Variants in PLEKHA4 observed in about 807,000 individuals in gnomAD.
PLEKHA4 encodes the protein pleckstrin homology domain-containing family A member 4.
PLEKHA4 carries 73 observed loss-of-function variants against 94.7 expected under a neutral mutation model. The observed-to-expected ratio is 0.77, with a 90% CI of 0.64 to 0.94. The LOEUF is 0.94. Among genes scored for constraint, PLEKHA4 ranks in the 40% least tolerant of loss-of-function variants. PLEKHA4 has a pLI of 0.00. For missense variants in PLEKHA4, 1,049 were observed against 1,054.1 expected (o/e 1.00, Z 0.07); for synonymous variants, 449 against 437.1 (o/e 1.03, Z -0.34).
intron 3 of PLEKHA4, among the ~76,000 whole-genome samples, chr19:48,861,930 A>T (rs964002079): frequency 6.6e-6 from 1 of 152,024 alleles, no homozygotes. Context: ...GTTTGAGACC[A>T]GCTTGGGTAA....
intron 9 of PLEKHA4, among the ~76,000 whole-genome samples, chr19:48,856,685 T>C (rs986460154): frequency 6.6e-6 from 1 of 151,164 alleles, no homozygotes; most frequent in Non-Finnish European, 1.5e-5. Context: ...GCCACTGCAA[T>C]CCAGCCTGGG....
intron 2 of PLEKHA4, among the ~76,000 whole-genome samples, chr19:48,866,145 A>G (rs917306825): frequency 2.6e-5 from 4 of 151,580 alleles, no homozygotes; most frequent in African/African-American, 9.7e-5. Flanking sequence ...GGAGTGCAGT[A>G]GCCTAAACAC....
At chr19:48,850,510 CA>C (rs899467752) in intron 13 of PLEKHA4, among the ~76,000 whole-genome samples, 4 of 151,134 alleles carry the variant, frequency 2.6e-5, no homozygotes, top group Non-Finnish European at 1.5e-5. Flanking sequence ...CTCACACACA[CA>C]AAAAAAGAAA....
Position 48,867,392 on chromosome 19 carries a change from G to T in PLEKHA4, c.84+145C>A. On this transcript the variant is annotated intron_variant, in intron 2 of 19. Transcript: ENST00000263265. The surrounding 1 kb of genome is among the most constrained non-coding windows in gnomAD (Gnocchi z 4.7). ...GTGCCTCTGAATTCCTAGCTGCGGTGTGTAGGCAATTTGGGACCTTACTAT... is the reference window on the plus strand; with the variant it reads ...GTGCCTCTGAATTCCTAGCTGCGGTTTGTAGGCAATTTGGGACCTTACTAT... 1 of 858,524 alleles carries T rather than the reference G, an allele frequency of 1.2e-6. No individual in the cohort carries two copies. The highest frequency in any genetic ancestry group is 1.8e-6 in the Non-Finnish European group (1 of 559,026). The allele number at this position is 858,524 out of a possible 1,614,324, so 53.2% of individuals were successfully genotyped here. A position where few individuals can be genotyped will look rare whatever the true frequency, so the allele number is the denominator to read the frequency against.
Position 48,867,452 on chromosome 19 carries a change from T to G in PLEKHA4, c.84+85A>C, listed in dbSNP as rs2036871197. The G allele has an allele frequency of 6.8e-7, 1 of 1,466,886 alleles. No individual in the cohort carries two copies. Among genetic ancestry groups the G allele is most frequent in the Admixed American group, 2.0e-5 (1 of 49,280 alleles). The allele number at this position is 1,466,886 out of a possible 1,614,324, so 90.9% of individuals were successfully genotyped here. ...ACCCCGTTGCTAAGGATCTTTGTCC[T>G]TAACAACCAGAGTCCTTGGGGAAAC... On this transcript the variant is annotated intron_variant, in intron 2 of 19. Coordinates refer to ENST00000263265, the MANE Select transcript of PLEKHA4 (RefSeq NM_020904.3). The surrounding 1 kb of genome is among the most constrained non-coding windows in gnomAD (Gnocchi z 4.7).
chr19:48,838,223 C>T, intron 18 of PLEKHA4, 94 bp from the exon 19 acceptor site: 1 of 686,204 alleles, frequency 1.5e-6, no homozygotes, highest in East Asian at 2.7e-5. Flanking sequence ...ATGAATAAGA[C>T]CTACTATTAG....
At chr19:48,843,710 T>C (rs564336311) in intron 16 of PLEKHA4, among the ~76,000 whole-genome samples, 29 of 152,082 alleles carry the variant, frequency 1.9e-4, no homozygotes, top group African/African-American at 6.7e-4. Context: ...CAGGCTGGAG[T>C]GCAGTGGCGC....
In PLEKHA4 at chr19:48,867,567, G is replaced by C; in HGVS notation, c.54C>G (p.Thr18=). 1 of 1,602,646 alleles carries C rather than the reference G, an allele frequency of 6.2e-7. No homozygotes were observed. Among genetic ancestry groups the C allele is most frequent in the Non-Finnish European group, 8.5e-7 (1 of 1,176,804 alleles). The change falls in exon 2 of 20, where the codon ACC becomes ACG. Residue 18 remains threonine (T), a synonymous_variant. Transcript: ENST00000263265. This position sits in a 1 kb window ranked among gnomAD's most constrained non-coding sequence, Gnocchi z 4.7. ...GGCTCAGGCTGCTGAGCGAGGAGAT[G>C]GTGGAGGCGCTGCTGGCCAGGCTCA... ...SSLSLASSAS[T]ISSLSSLSPK...
chr19:48,856,518 G>A (rs2123075276), intron 9 of PLEKHA4, among the ~76,000 whole-genome samples: 1 of 152,214 alleles, frequency 6.6e-6, no homozygotes, highest in African/African-American at 2.4e-5. Context: ...AGGAGTTCGA[G>A]ACCAGCCTGA....
Position 48,868,390 on chromosome 19 carries a change from T to G in PLEKHA4, c.-314A>C. 6.6e-6 allele frequency: 1 copy of G among 152,098 alleles called. No individual in the cohort carries two copies. Among genetic ancestry groups the G allele is most frequent in the East Asian group, 1.9e-4 (1 of 5,188 alleles). 9.4% of individuals were successfully genotyped at this position (152,098 alleles called of 1,614,324 possible). On this transcript the variant is annotated 5_prime_UTR_variant, in exon 1 of 20. Transcript: ENST00000263265. The stretch of plus-strand genomic sequence containing the variant: ...TCTCTCTCTCCAATCTTTCTGTTTC[T>G]GTCCAAATCTTTTATTGTCAGACTC...
Position 48,845,580 on chromosome 19 carries a change from A to AC in PLEKHA4, c.1602dup (p.Ser535ValfsTer5). On this transcript the variant is annotated frameshift_variant, in exon 15 of 20. Coordinates refer to ENST00000263265, the MANE Select transcript of PLEKHA4 (RefSeq NM_020904.3). LOFTEE classifies it high-confidence loss of function. ...GGCCGCCCCCAGTCAGTCTCGGGGG[A>AC]CCTAGGGGAGCTCAGTTCCAAGGAC... The AC allele has an allele frequency of 6.2e-7, 1 of 1,606,184 alleles. No individual in the cohort carries two copies. The highest frequency in any genetic ancestry group is 8.5e-7 in the Non-Finnish European group (1 of 1,176,052).
Position 48,865,564 on chromosome 19 carries a change from C to T in PLEKHA4, c.131G>A (p.Gly44Asp), listed in dbSNP as rs767587774. The stretch of plus-strand genomic sequence containing the variant: ...GTTGGGATCCCTCCTGAGCGCATTG[C>T]CTCTCTTCCCAAAGGCGTGGATCTT... ...VNKIHAFGKR[G>D]NALRRDPNLP... The change falls in exon 3 of 20, where the codon GGC (glycine) becomes GAC (aspartate). Residue 44 changes from glycine to aspartate, a missense_variant. Transcript: ENST00000263265. 1 of 1,614,022 alleles carries T rather than the reference C, an allele frequency of 6.2e-7. No homozygotes were observed. Among genetic ancestry groups the T allele is most frequent in the Non-Finnish European group, 8.5e-7 (1 of 1,179,986 alleles).
At chr19:48,842,305 C>T (rs970858831) in intron 16 of PLEKHA4, among the ~76,000 whole-genome samples, 28 of 151,996 alleles carry the variant, frequency 1.8e-4, no homozygotes, top group Non-Finnish European at 2.4e-4. Flanking sequence ...CCCGCCACCA[C>T]GCCCAGCTAA....
intron 17 of PLEKHA4, among the ~76,000 whole-genome samples, chr19:48,839,918 GTGTAAACCCCGTC>G (rs142627589): frequency 0.099 from 14,957 of 150,640 alleles, 987 homozygotes; most frequent in Non-Finnish European, 0.14. Context: ...GGTCAATATG[GTGTAAACCCCGTC>G]TCTACTAAAA....
rs1274126975 is a variant in PLEKHA4 at position 48,837,708 on chromosome 19, G to A, written c.2078-157C>T. The stretch of plus-strand genomic sequence containing the variant: ...CCCAGCCCCTCCTCCCTCAGACCCA[G>A]GAGTCCAGGCCCCCAGCCCCTCCTC... On this transcript the variant is annotated intron_variant, in intron 19 of 19. Coordinates refer to ENST00000263265, the MANE Select transcript of PLEKHA4 (RefSeq NM_020904.3). This position sits in a 1 kb window ranked among gnomAD's most constrained non-coding sequence, Gnocchi z 4.3. Among the ~76,000 whole-genome samples the A allele has an allele frequency of 6.7e-6, 1 of 149,832 alleles. No individual in the cohort carries two copies. The highest frequency in any genetic ancestry group is 1.5e-5 in the Non-Finnish European group (1 of 67,456).
At chr19:48,845,678 T>C (rs1338130471) in intron 14 of PLEKHA4, 62 bp from the exon 15 acceptor site, 1 of 1,299,436 alleles carries the variant, frequency 7.7e-7, no homozygotes, top group African/African-American at 1.5e-5. Flanking sequence ...TATTACCATG[T>C]TGCAAGCATT....
intron 16 of PLEKHA4, 127 bp from the exon 17 acceptor site, chr19:48,841,437 G>C (rs1462982767): frequency 2.0e-6 from 2 of 1,005,172 alleles, no homozygotes; most frequent in Non-Finnish European, 2.8e-6. Context: ...GACCAGCCTG[G>C]CCAACTTGGC....
chr19:48,861,222 CA>C (rs1282516825), intron 5 of PLEKHA4, among the ~76,000 whole-genome samples, 178 bp downstream of exon 5: 2 of 151,970 alleles, frequency 1.3e-5, no homozygotes, highest in Non-Finnish European at 2.9e-5. Flanking sequence ...AACAACAAAA[CA>C]AAAAAACAAA....
chr19:48,839,629 C>T (rs575125681), intron 17 of PLEKHA4, among the ~76,000 whole-genome samples: 1 of 151,782 alleles, frequency 6.6e-6, no homozygotes, highest in Admixed American at 6.6e-5. Context: ...CTATGTTGCC[C>T]AGGCTGGTCT....
Sources: gnomAD v4.1 joint callset for allele counts (sites outside exome capture counted in the v4.1 genomes callset) on GRCh38, gnomAD v4.1.1 for gene constraint, Gnocchi (gnomAD v3.1) non-coding constraint, MANE v1.5 for transcripts, NCBI Gene and HGNC (gene_info 2026-07-23, HGNC 2026-07-21) for gene names.